The following KRT15 variants were observed in gnomAD, a reference collection of about 807,000 sequenced individuals.
KRT15 encodes keratin, type I cytoskeletal 15.
A neutral mutation model predicts 46.6 loss-of-function variants in KRT15; 45 were observed. That is an observed-to-expected ratio of 0.97 (90% CI 0.76 to 1.24). KRT15 has a LOEUF of 1.24. Among genes scored for constraint, KRT15 ranks in the 50% most tolerant of loss-of-function variants. The probability of loss-of-function intolerance (pLI) is 0.00; values close to 1 mark genes in which losing one functional copy is unlikely to be tolerated. For synonymous variants in KRT15, 221 were observed against 233.8 expected (o/e 0.95, Z 0.50); for missense variants, 592 against 588.9 (o/e 1.01, Z -0.05).
At chr17:41,517,344 G>C (rs1905436469) in intron 1 of KRT15, 179 bp from the exon 2 acceptor site, 2 of 609,070 alleles carry the variant, frequency 3.3e-6, no homozygotes, top group Non-Finnish European at 5.8e-6. Flanking sequence ...CACTTTCAGT[G>C]TCCATTTCTT....
chr17:41,516,025 C>T lies in KRT15; in HGVS notation c.901-15G>A. On this transcript the variant is annotated splice_polypyrimidine_tract_variant and intron_variant, in intron 4 of 7. Transcript: ENST00000254043. Reference sequence around the variant, plus strand: ...AGCTCCTCAGTCTGTAGGTCATGCACAACAGAAGTGAGCCCCGGGGCCTCC... The same window carrying T: ...AGCTCCTCAGTCTGTAGGTCATGCATAACAGAAGTGAGCCCCGGGGCCTCC... 3 of 1,614,190 alleles carry T rather than the reference C, an allele frequency of 1.9e-6. No homozygotes were observed. The highest frequency in any genetic ancestry group is 3.3e-5 in the Admixed American group (2 of 60,030).
rs1360814838 is a variant in KRT15 at position 41,514,111 on chromosome 17, C to A, written c.1283G>T (p.Gly428Val). 1 of 1,613,662 alleles carries A rather than the reference C, an allele frequency of 6.2e-7. No individual in the cohort carries two copies. Among genetic ancestry groups the A allele is most frequent in the South Asian group, 1.1e-5 (1 of 91,078 alleles). The change falls in exon 8 of 8, where the codon GGA becomes GTA. Residue 428 changes from glycine (G) to valine (V), a missense_variant. Coordinates refer to ENST00000254043, the MANE Select transcript of KRT15 (RefSeq NM_002275.4). ...GAAATTGCTGCTGCTACCACCACCT[C>A]CTGAAGAGGCTAGAGAGAGAAGGAG... The part of the protein sequence containing the change: ...AGIAIREASS[G>V]GGGSSSNFHI...
At chr17:41,515,790 C>T (rs1905330154) in intron 5 of KRT15, 95 bp downstream of exon 5, 2 of 1,603,676 alleles carry the variant, frequency 1.2e-6, no homozygotes, top group Non-Finnish European at 1.7e-6. Context: ...GGAACCACCT[C>T]TTGAGGGGGC....
chr17:41,515,923 G>T lies in KRT15; in HGVS notation c.988C>A (p.Gln330Lys), dbSNP rs762576421. 6.2e-7 allele frequency: 1 copy of T among 1,614,158 alleles called. No homozygotes were observed. Among genetic ancestry groups the T allele is most frequent in the South Asian group, 1.1e-5 (1 of 91,082 alleles). Residue 330 changes from glutamine to lysine, a missense_variant, in exon 5 of 8, where the codon CAG becomes AAG. Physicochemically the swap from Gln to Lys is moderately conservative, Grantham distance 53. Transcript: ENST00000254043. ...GACTGCAGCTCGATCTCCAGCTCCT[G>T]CATCGTGCGTCTCAGGTCTGTGATC... Reference protein sequence around the residue: ...TEITDLRRTMQELEIELQSQL... With the variant: ...TEITDLRRTMKELEIELQSQL...
chr17:41,517,730 C>T (rs1042952232), intron 1 of KRT15: 5 of 160,870 alleles, frequency 3.1e-5, no homozygotes, highest in African/African-American at 9.6e-5. Context: ...CCCAACAGTA[C>T]TTTTGGCACA....
At position 41,515,461 on chromosome 17, in the gene KRT15, C is replaced by A. The variant is rs1337842959; in HGVS notation, c.1247+11G>T. The A allele has an allele frequency of 6.2e-7, 1 of 1,611,658 alleles. No individual in the cohort carries two copies. The highest frequency in any genetic ancestry group is 8.5e-7 in the Non-Finnish European group (1 of 1,179,236). ...CCCTCATCACTCCTTCCCCTGTGCC[C>A]AGGCGCCTACTTGGCATCCTGGCCC... On this transcript the variant is annotated intron_variant, in intron 6 of 7. Transcript: ENST00000254043.
At position 41,515,518 on chromosome 17, in the gene KRT15, G is replaced by A. The variant is rs1471720981; in HGVS notation, c.1201C>T (p.Gln401Ter). ...AGGCTGCGGTAAGTAGCGATCTCCT[G>A]CTCCAGCCGTGTCTTTATGTCAAGC... ...MLLDIKTRLEQEIATYRSLLE... is the reference protein window; with the variant it reads ...MLLDIKTRLE The change falls in exon 6 of 8, where the codon CAG becomes TAG. Residue 401 changes from glutamine to a stop codon, truncating the protein, a stop_gained. Coordinates refer to ENST00000254043, the MANE Select transcript of KRT15 (RefSeq NM_002275.4). LOFTEE classifies it high-confidence loss of function. 1 of 1,613,822 alleles carries A rather than the reference G, an allele frequency of 6.2e-7. No individual in the cohort carries two copies. The highest frequency in any genetic ancestry group is 1.3e-5 in the African/African-American group (1 of 74,934).
In KRT15 at chr17:41,518,266, A is replaced by G; in HGVS notation, c.498+64T>C. On this transcript the variant is annotated intron_variant, in intron 1 of 7. Coordinates refer to ENST00000254043, the MANE Select transcript of KRT15 (RefSeq NM_002275.4). ...TTTCCTTGAGTCAGCAGTAACACTG[A>G]CATTAGAGCTGTGTACAGGGTACCA... The G allele has an allele frequency of 2.7e-6, 4 of 1,509,190 alleles. No individual in the cohort carries two copies. The South Asian group carries it at 5.2e-5, about 20-fold the overall frequency. 93.5% of individuals were successfully genotyped at this position (1,509,190 alleles called of 1,614,324 possible).
At chr17:41,515,341 C>T (rs1905298764) in intron 6 of KRT15, 131 bp downstream of exon 6, 1 of 726,612 alleles carries the variant, frequency 1.4e-6, no homozygotes, top group African/African-American at 1.7e-5. Flanking sequence ...CCAGATCCTC[C>T]CTCCTTGCTC....
At position 41,518,713 on chromosome 17, in the gene KRT15, C is replaced by A; in HGVS notation, c.115G>T (p.Gly39Cys). Reference sequence around the variant, plus strand: ...GAAGCTGAGATACTTCGGCTTCCACCTCCCCCAGAGAGACTCCCCCCACCA... The same window carrying A: ...GAAGCTGAGATACTTCGGCTTCCACATCCCCCAGAGAGACTCCCCCCACCA... ...GFGGGSLSGGGGSRSISASSA... is the reference protein window; with the variant it reads ...GFGGGSLSGGCGSRSISASSA... Residue 39 changes from glycine to cysteine, a missense_variant, in exon 1 of 8, where the codon GGT (glycine) becomes TGT (cysteine). By Grantham distance (159) the Gly-to-Cys change is radical (BLOSUM62 -3). Coordinates refer to ENST00000254043, the MANE Select transcript of KRT15 (RefSeq NM_002275.4). 1.9e-6 allele frequency: 3 copies of A among 1,612,964 alleles called. No individual in the cohort carries two copies. The highest frequency in any genetic ancestry group is 2.5e-6 in the Non-Finnish European group (3 of 1,179,222).
intron 6 of KRT15, chr17:41,515,255 A>C (rs1905295829): frequency 1.7e-6 from 1 of 583,650 alleles, no homozygotes; most frequent in Admixed American, 3.0e-5. Flanking sequence ...AGCCTCTATC[A>C]TTTACAGAAG....
rs1905249394 is a variant in KRT15 at position 41,514,077 on chromosome 17, A to C, written c.1317T>G (p.Asn439Lys). 2.5e-6 allele frequency: 4 copies of C among 1,614,130 alleles called. No homozygotes were observed. The highest frequency in any genetic ancestry group is 3.4e-6 in the Non-Finnish European group (4 of 1,179,982). Residue 439 changes from asparagine (N) to lysine (K), a missense_variant, in exon 8 of 8, where the codon AAT becomes AAG. Asn to Lys is a moderately conservative substitution (Grantham distance 94). Coordinates refer to ENST00000254043, the MANE Select transcript of KRT15 (RefSeq NM_002275.4). The stretch of plus-strand genomic sequence containing the variant: ...CCTGTCCATCCACTGACTCTTCTAC[A>C]TTGATGTGGAAATTGCTGCTGCTAC... ...GGGSSSNFHI[N>K]VEESVDGQVV...
Position 41,518,538 on chromosome 17 carries a change from T to A in KRT15, c.290A>T (p.Asp97Val), listed in dbSNP as rs1905513647. ...CTCATTGCCAGAGAGGAGACCACCA[T>A]CGCCACCACCAAAGCCACCACCAAA... is the stretch of plus-strand genomic sequence containing the variant. ...GGFGGGFGGG[D>V]GGLLSGNEKI... is the part of the protein sequence containing the mutation. Residue 97 changes from aspartate to valine, a missense_variant, in exon 1 of 8, where the codon GAT (aspartate) becomes GTT (valine). By Grantham distance (152) the Asp-to-Val change is radical. Transcript: ENST00000254043. The A allele has an allele frequency of 3.1e-6, 5 of 1,613,812 alleles. No individual in the cohort carries two copies. The highest frequency in any genetic ancestry group is 4.2e-6 in the Non-Finnish European group (5 of 1,179,958).
rs781318262 is a variant in KRT15, at chr17:41,516,937, C to G, written c.609G>C (p.Gln203His). The G allele has an allele frequency of 8.7e-6, 14 of 1,614,210 alleles. No homozygotes were observed. The highest frequency in any genetic ancestry group is 1.1e-5 in the Non-Finnish European group (13 of 1,180,010). ...AGCCGTTGATGTCAGCCTCAACGCC[C>G]TGGCGCAGGGCCAGCTCATTCTCAT... Reference protein sequence around the residue: ...LKYENELALRQGVEADINGLR... With the variant: ...LKYENELALRHGVEADINGLR... The change falls in exon 3 of 8, where the codon CAG (glutamine) becomes CAC (histidine). Residue 203 changes from glutamine to histidine, a missense_variant. Physicochemically the swap from Gln to His is conservative, Grantham distance 24. Coordinates refer to ENST00000254043, the MANE Select transcript of KRT15 (RefSeq NM_002275.4).
chr17:41,514,615 C>T (rs1490225081), intron 7 of KRT15, 34 bp downstream of exon 7: 1 of 1,605,958 alleles, frequency 6.2e-7, no homozygotes, highest in Admixed American at 1.7e-5. Context: ...ATCTCCCCTC[C>T]CCACCCCACA....
rs746347635 is a variant in KRT15 at position 41,518,594 on chromosome 17, AC to A, written c.233del (p.Gly78ValfsTer58). The stretch of plus-strand genomic sequence containing the variant: ...CACCAACGCCCCCTCCAAAGCCTCC[AC>A]CGAAAACACTACCAGCCCCTCCACC... ...GFGGGAGSVF[G>X]GGFGGGVGGG... On this transcript the variant is annotated frameshift_variant, in exon 1 of 8. Coordinates refer to ENST00000254043, the MANE Select transcript of KRT15 (RefSeq NM_002275.4). LOFTEE classifies it high-confidence loss of function. 1.9e-5 allele frequency: 30 copies of A among 1,592,526 alleles called. No individual in the cohort carries two copies. In the East Asian group the frequency reaches 6.4e-4, roughly 34 times the overall value.
At chr17:41,518,025 A>C (rs1388460961) in intron 1 of KRT15, among the ~76,000 whole-genome samples, 1 of 152,050 alleles carries the variant, frequency 6.6e-6, no homozygotes, top group Non-Finnish European at 1.5e-5. Context: ...CCCCCAAAGC[A>C]CTGGGATTAC....
rs554230377 is a variant in KRT15, at chr17:41,513,836, A to T, written c.*187T>A. On this transcript the variant is annotated 3_prime_UTR_variant, in exon 8 of 8. Coordinates refer to ENST00000254043, the MANE Select transcript of KRT15 (RefSeq NM_002275.4). Reference sequence around the variant, plus strand: ...AATACAGCTGCATCTCCTTGCTCCAAAGAAGGTGGGGAGAGGCAGAGGGGG... The same window carrying T: ...AATACAGCTGCATCTCCTTGCTCCATAGAAGGTGGGGAGAGGCAGAGGGGG... 93 of 595,752 alleles carry T rather than the reference A, an allele frequency of 1.6e-4. 1 individual carries two copies. In the South Asian group the frequency reaches 1.7e-3, roughly 11 times the overall value. The allele number at this position is 595,752 out of a possible 1,614,324, so 36.9% of individuals were successfully genotyped here. A position where few individuals can be genotyped will look rare whatever the true frequency, so the allele number is the denominator to read the frequency against.
intron 6 of KRT15, chr17:41,515,254 C>G: frequency 1.7e-6 from 1 of 583,136 alleles, no homozygotes; most frequent in East Asian, 2.8e-5. Flanking sequence ...CAGCCTCTAT[C>G]ATTTACAGAA....
Sources: allele counts gnomAD v4.1 joint callset (sites outside exome capture counted in the v4.1 genomes callset), GRCh38; gene constraint gnomAD v4.1.1; transcripts MANE v1.5; gene names NCBI Gene and HGNC (gene_info 2026-07-23, HGNC 2026-07-21).